The following PCDH19 variants were observed in gnomAD, a reference collection of about 807,000 sequenced individuals.
PCDH19 encodes the protein protocadherin 19, also known as protocadherin-19.
A neutral mutation model predicts 46.2 loss-of-function variants in PCDH19; 6 were observed. That is an observed-to-expected ratio of 0.13 (90% CI 0.07 to 0.26). PCDH19 has a LOEUF of 0.26. Among genes scored for constraint, PCDH19 ranks in the 10% least tolerant of loss-of-function variants. The pLI is 1.00. For missense variants in PCDH19, 740 were observed against 972.3 expected (o/e 0.76, Z 3.18); for synonymous variants, 481 against 415.7 (o/e 1.16, Z -1.91).
intron 5 of PCDH19, among the ~76,000 whole-genome samples, chrX:100,333,945 A>C (rs778752261): frequency 9.1e-6 from 1 of 109,501 alleles, no homozygotes; most frequent in Admixed American, 9.8e-5. Flanking sequence ...ATGTGCCACC[A>C]TGCCCAGCTA....
chrX:100,320,398 C>T (rs1925438047), intron 5 of PCDH19, among the ~76,000 whole-genome samples: 1 of 112,063 alleles, frequency 8.9e-6, no homozygotes, highest in East Asian at 2.8e-4. Flanking sequence ...AATCCAAATG[C>T]TTGAATCAGG....
chrX:100,374,193 A>C (rs1312627939), intron 3 of PCDH19, among the ~76,000 whole-genome samples: 1 of 112,827 alleles, frequency 8.9e-6, no homozygotes, highest in East Asian at 2.8e-4. Context: ...AATTAACCCA[A>C]TTCATAAGAC....
intron 3 of PCDH19, among the ~76,000 whole-genome samples, chrX:100,371,560 T>C (rs751270929): frequency 7.8e-4 from 87 of 111,322 alleles, no homozygotes; most frequent in African/African-American, 2.7e-3. Context: ...TTAGGCCTCA[T>C]TGAAGCCTTA....
intron 3 of PCDH19, among the ~76,000 whole-genome samples, chrX:100,389,139 T>C (rs1569309230): frequency 9.0e-6 from 1 of 111,133 alleles, no homozygotes; most frequent in African/African-American, 3.3e-5. Flanking sequence ...CTGACCTTCC[T>C]AGAGCAATCC....
intron 3 of PCDH19, among the ~76,000 whole-genome samples, chrX:100,393,586 C>T (rs1200357534): frequency 5.5e-5 from 6 of 109,849 alleles, no homozygotes; most frequent in African/African-American, 1.7e-4. Flanking sequence ...TTCTTCCTGT[C>T]GGCTTACACA....
chrX:100,395,349 G>A (rs761730776), intron 3 of PCDH19, among the ~76,000 whole-genome samples: 1 of 112,071 alleles, frequency 8.9e-6, no homozygotes, highest in East Asian at 2.8e-4. Flanking sequence ...ATTAGCATGG[G>A]GTCTAATTTA....
intron 5 of PCDH19, among the ~76,000 whole-genome samples, chrX:100,332,931 G>A (rs1191814727): frequency 9.3e-6 from 1 of 107,956 alleles, no homozygotes; most frequent in Non-Finnish European, 1.9e-5. Context: ...GAGCCCAGGA[G>A]GTCAAGGCTG....
intron 5 of PCDH19, among the ~76,000 whole-genome samples, chrX:100,322,127 T>TAATGA (rs1925510354): frequency 9.0e-6 from 1 of 111,028 alleles, no homozygotes; most frequent in East Asian, 2.8e-4. Context: ...GGGTTCTTGG[T>TAATGA]AATGAAATCC....
rs1224921343 is a variant in PCDH19, at chrX:100,406,986, C to T, written c.1612G>A (p.Gly538Ser). ...TTGCTTTGCAGTGAGGGAAGGCCGC[C>T]GTCCTTGGCCAGCACCTTGAATTCG... Reference protein sequence around the residue: ...AFEFKVLAKDGGLPSLQSNAT... With the variant: ...AFEFKVLAKDSGLPSLQSNAT... Residue 538 changes from glycine to serine, a missense_variant, in exon 1 of 6, where the codon GGC becomes AGC. This residue lies in a region of PCDH19 where 186 missense variants were observed against 319.9 expected (regional missense o/e 0.58). Coordinates refer to ENST00000373034, the MANE Select transcript of PCDH19 (RefSeq NM_001184880.2). 8.3e-6 allele frequency: 10 copies of T among 1,211,824 alleles called. No individual in the cohort carries two copies. The highest frequency in any genetic ancestry group is 1.1e-5 in the Non-Finnish European group (10 of 895,564).
intron 3 of PCDH19, among the ~76,000 whole-genome samples, chrX:100,374,951 A>C (rs748210354): frequency 1.8e-5 from 2 of 110,252 alleles, no homozygotes; most frequent in Non-Finnish European, 3.8e-5. Context: ...AAAAAAAGAA[A>C]AAAAAATGAA....
intron 5 of PCDH19, among the ~76,000 whole-genome samples, chrX:100,316,882 G>C (rs999832564): frequency 8.1e-5 from 9 of 111,497 alleles, no homozygotes; most frequent in Non-Finnish European, 1.1e-4. Context: ...GAATCAATTG[G>C]AATATAAATG....
At chrX:100,311,170 T>C (rs1243965368) in intron 5 of PCDH19, among the ~76,000 whole-genome samples, 1 of 111,130 alleles carries the variant, frequency 9.0e-6, no homozygotes. Flanking sequence ...ACTTAAAAAA[T>C]AGTTCTGAAC....
chrX:100,409,591 G>A lies in PCDH19; in HGVS notation c.-994C>T, dbSNP rs1168760985. The A allele has an allele frequency of 1.6e-5, 2 of 125,169 alleles. No homozygotes were observed. Among genetic ancestry groups the A allele is most frequent in the African/African-American group, 3.2e-5 (1 of 31,027 alleles). 10.3% of individuals were successfully genotyped at this position (125,169 alleles called of 1,213,427 possible). ...GTCTTTCTAATGGCCGGGGGTGGCG[G>A]GGAATGGGGAAGAGGGAAGGGGAGG... On this transcript the variant is annotated 5_prime_UTR_variant, in exon 1 of 6. Transcript: ENST00000373034.
At chrX:100,312,742 C>G (rs759173192) in intron 5 of PCDH19, among the ~76,000 whole-genome samples, 1 of 111,118 alleles carries the variant, frequency 9.0e-6, no homozygotes, top group Non-Finnish European at 1.9e-5. Context: ...TCCAGCTTGC[C>G]CAACTCTTCT....
Position 100,303,310 on chromosome X carries a change from G to A in PCDH19, c.2849-6435C>T, listed in dbSNP as rs771182622. On this transcript the variant is annotated intron_variant, in intron 5 of 5. Coordinates refer to ENST00000373034, the MANE Select transcript of PCDH19 (RefSeq NM_001184880.2). ...TGGAAGAAGGAAGGAAGGAAGAAAG[G>A]AAGGAAGGAAAAAAGGAAGGAAGGA... 9.1e-5 allele frequency among the ~76,000 whole-genome samples: 10 copies of A among 110,402 alleles called. 1 individual carries two copies. The highest frequency in any genetic ancestry group is 1.9e-4 in the Non-Finnish European group (10 of 52,749).
chrX:100,379,729 A>G (rs750736592), intron 3 of PCDH19, among the ~76,000 whole-genome samples: 6 of 112,482 alleles, frequency 5.3e-5, no homozygotes, highest in Non-Finnish European at 1.1e-4. Flanking sequence ...ATAAAGAGGA[A>G]GAGGCCCTTG....
At chrX:100,402,930 G>C (rs1163101899) in intron 2 of PCDH19, 79 bp from the exon 3 acceptor site, 6 of 771,370 alleles carry the variant, frequency 7.8e-6, no homozygotes, top group Non-Finnish European at 1.2e-5. Flanking sequence ...AAGCACCCCA[G>C]AGGGTTGCAC....
intron 5 of PCDH19, among the ~76,000 whole-genome samples, chrX:100,341,584 T>C (rs1376920461): frequency 1.8e-5 from 2 of 112,058 alleles, no homozygotes; most frequent in African/African-American, 6.5e-5. Flanking sequence ...AAAATAGGCA[T>C]TTATTCCTGG....
At chrX:100,307,422 A>T (rs1328600460) in intron 5 of PCDH19, among the ~76,000 whole-genome samples, 2 of 111,949 alleles carry the variant, frequency 1.8e-5, no homozygotes, top group African/African-American at 6.5e-5. Context: ...GTCTATGTCA[A>T]ACCCACAGCC....
Sources: allele counts gnomAD v4.1 joint callset (sites outside exome capture counted in the v4.1 genomes callset), GRCh38; gene constraint gnomAD v4.1.1; regional missense constraint gnomAD v4.1.1; transcripts MANE v1.5; gene names NCBI Gene and HGNC (gene_info 2026-07-23, HGNC 2026-07-21).